The following GTF2H5 variants were observed in gnomAD, a reference collection of about 807,000 sequenced individuals.
The protein encoded by GTF2H5 is general transcription factor IIH subunit 5, also known as TFB5 ortholog.
Under a neutral mutation model 7.1 loss-of-function variants are expected in GTF2H5, and 5 were observed. That is an observed-to-expected ratio of 0.71 (90% CI 0.37 to 1.49). The LOEUF (loss-of-function observed/expected upper bound fraction) is 1.49, where lower values mean the gene tolerates loss of function less well. Among genes scored for constraint, GTF2H5 ranks in the 40% most tolerant of loss-of-function variants. The pLI is 0.03. For synonymous variants in GTF2H5, 30 were observed against 31.7 expected (o/e 0.95, Z 0.18); for missense variants, 80 against 83.0 (o/e 0.96, Z 0.14).
chr6:158,169,829 G>GTA lies in GTF2H5; in HGVS notation c.-34-632_-34-631dup, dbSNP rs1181394108. 5.6e-4 allele frequency among the ~76,000 whole-genome samples: 40 copies of GTA among 71,954 alleles called. 1 individual carries two copies. Among genetic ancestry groups the GTA allele is most frequent in the African/African-American group, 1.5e-3 (23 of 15,562 alleles). The allele number at this position is 71,954 out of a possible 152,430, so 47.2% of individuals were successfully genotyped here. ...TATTATATATTATATATAAAAGTGT[G>GTA]TATATATATACACACACACACACAC... On this transcript the variant is annotated intron_variant, in intron 1 of 2. Coordinates refer to ENST00000607778, the MANE Select transcript of GTF2H5 (RefSeq NM_207118.3).
chr6:158,184,005 A>G (rs868519989), intron 2 of GTF2H5, among the ~76,000 whole-genome samples: 1 of 151,780 alleles, frequency 6.6e-6, no homozygotes, highest in Non-Finnish European at 1.5e-5. Flanking sequence ...GGAGCTGTAC[A>G]CCAGAGCTGT....
chr6:158,186,632 C>T (rs1776927110), intron 2 of GTF2H5, among the ~76,000 whole-genome samples: 2 of 152,216 alleles, frequency 1.3e-5, no homozygotes, highest in East Asian at 1.9e-4. Context: ...CATGACATAT[C>T]CTCAGAAGGT....
At chr6:158,169,700 A>AATATATTG (rs1785794037) in intron 1 of GTF2H5, among the ~76,000 whole-genome samples, 1 of 81,934 alleles carries the variant, frequency 1.2e-5, no homozygotes, top group African/African-American at 6.0e-5. Flanking sequence ...ATATTATATA[A>AATATATTG]TATATTGTAT....
Position 158,168,415 on chromosome 6 carries a change from G to A in GTF2H5, c.-35+20G>A, listed in dbSNP as rs1235063999. 1 of 152,426 alleles carries A rather than the reference G, an allele frequency of 6.6e-6. No homozygotes were observed. The highest frequency in any genetic ancestry group is 1.5e-5 in the Non-Finnish European group (1 of 68,200). The allele number at this position is 152,426 out of a possible 1,614,324, so 9.4% of individuals were successfully genotyped here. ...GCCGAGGTGTGTGGCGAGCGTCCGA[G>A]CGGCTGGGGAAAGTGGGGTGTGGGA... On this transcript the variant is annotated intron_variant, in intron 1 of 2. Transcript: ENST00000607778.
At chr6:158,190,519 T>C (rs540534668) in intron 2 of GTF2H5, 248 of 334,646 alleles carry the variant, frequency 7.4e-4, no homozygotes, top group Middle Eastern at 1.2e-3. Flanking sequence ...GCAGCCAATA[T>C]GATCCTTACA....
chr6:158,182,215 T>C (rs1234153393), intron 2 of GTF2H5, among the ~76,000 whole-genome samples: 2 of 152,256 alleles, frequency 1.3e-5, no homozygotes, highest in Non-Finnish European at 2.9e-5. Flanking sequence ...CACTCTCTTC[T>C]GGCTTGTAGG....
chr6:158,185,268 A>G (rs1434684117), intron 2 of GTF2H5, among the ~76,000 whole-genome samples: 1 of 152,054 alleles, frequency 6.6e-6, no homozygotes, highest in Non-Finnish European at 1.5e-5. Flanking sequence ...CATGCCAGAC[A>G]CGGTGGCACA....
chr6:158,183,054 G>A (rs145967338), intron 2 of GTF2H5, among the ~76,000 whole-genome samples: 1,621 of 152,226 alleles, frequency 0.011, 22 homozygotes, highest in Non-Finnish European at 0.017. Context: ...CCTATGGATG[G>A]GGTTTTGGTG....
At position 158,169,719 on chromosome 6, in the gene GTF2H5, T is replaced by TAATATATTGTATATTA. The variant is rs1554267159; in HGVS notation, c.-34-751_-34-750insAATATATTGTATATTA. Among the ~76,000 whole-genome samples the TAATATATTGTATATTA allele has an allele frequency of 2.0e-4, 11 of 54,250 alleles. 3 individuals are homozygous for TAATATATTGTATATTA. The highest frequency in any genetic ancestry group is 1.3e-3 in the African/African-American group (11 of 8,284). 35.6% of individuals were successfully genotyped at this position (54,250 alleles called of 152,430 possible). ...TATATAATATATTGTATATTATATA[T>TAATATATTGTATATTA]TATATAATATATTGTATATTATATA... On this transcript the variant is annotated intron_variant, in intron 1 of 2. Transcript: ENST00000607778.
rs769919239 is a variant in GTF2H5 at position 158,170,463 on chromosome 6, T to G, written c.-34-7T>G. ...TTAATTTAATGTTACCTTACTCTTTTTATTAGCATTCTTCAGGTCATCTGA... is the reference window on the plus strand; with the variant it reads ...TTAATTTAATGTTACCTTACTCTTTGTATTAGCATTCTTCAGGTCATCTGA... On this transcript the variant is annotated splice_polypyrimidine_tract_variant and splice_region_variant and intron_variant, in intron 1 of 2. Coordinates refer to ENST00000607778, the MANE Select transcript of GTF2H5 (RefSeq NM_207118.3). 7 of 1,537,444 alleles carry G rather than the reference T, an allele frequency of 4.6e-6. No individual in the cohort carries two copies. In the East Asian group the frequency reaches 1.3e-4, roughly 30 times the overall value.
chr6:158,169,419 TATATAATATATTGTATATTATA>T (rs1562467948), intron 1 of GTF2H5, among the ~76,000 whole-genome samples: 59 of 88,340 alleles, frequency 6.7e-4, no homozygotes, highest in Middle Eastern at 5.3e-3. Context: ...TTATATATTA[TATATAATATATTGTATATTATA>T]TATATTATAT....
At chr6:158,186,607 G>C (rs1468576964) in intron 2 of GTF2H5, among the ~76,000 whole-genome samples, 2 of 152,236 alleles carry the variant, frequency 1.3e-5, no homozygotes, top group Non-Finnish European at 2.9e-5. Context: ...ATTTTGCCAA[G>C]GTTAAGGACA....
chr6:158,177,306 C>T (rs1237365243), intron 2 of GTF2H5, among the ~76,000 whole-genome samples: 1 of 152,174 alleles, frequency 6.6e-6, no homozygotes, highest in African/African-American at 2.4e-5. Context: ...ACTAACATTG[C>T]TGTTACAGAT....
chr6:158,168,612 C>T (rs371005277), intron 1 of GTF2H5, among the ~76,000 whole-genome samples: 48 of 152,306 alleles, frequency 3.2e-4, no homozygotes, highest in African/African-American at 1.0e-3. Flanking sequence ...GGCTAGGGCT[C>T]GCCCTGCGCC....
Position 158,192,134 on chromosome 6 carries a change from G to T in GTF2H5, c.193G>T (p.Ala65Ser). 6.2e-7 allele frequency: 1 copy of T among 1,613,050 alleles called. No homozygotes were observed. ...AGTGGGTGAATTAATGGACCAAAAT[G>T]CTTTTTCCCTTACCCAGAAATGAAA... ...ERVGELMDQN[A>S]FSLTQK Residue 65 changes from alanine (A) to serine (S), a missense_variant, in exon 3 of 3, where the codon GCT (alanine) becomes TCT (serine). By Grantham distance (99) the Ala-to-Ser change is moderately conservative. Transcript: ENST00000607778.
chr6:158,168,961 C>A (rs928279433), intron 1 of GTF2H5, among the ~76,000 whole-genome samples: 3 of 151,622 alleles, frequency 2.0e-5, no homozygotes, highest in Admixed American at 6.6e-5. Context: ...TGGCCTGGCG[C>A]GGTGGCTCAC....
chr6:158,173,401 G>T (rs1017308520), intron 2 of GTF2H5, among the ~76,000 whole-genome samples: 1 of 152,176 alleles, frequency 6.6e-6, no homozygotes, highest in East Asian at 1.9e-4. Context: ...AGTGCTAGTG[G>T]ATTCCCTTTC....
At chr6:158,170,127 C>G (rs1488750582) in intron 1 of GTF2H5, among the ~76,000 whole-genome samples, 3 of 152,064 alleles carry the variant, frequency 2.0e-5, no homozygotes, top group Non-Finnish European at 4.4e-5. Flanking sequence ...GGATCTTACC[C>G]TTTGTCATTC....
intron 2 of GTF2H5, among the ~76,000 whole-genome samples, chr6:158,184,345 A>T (rs1257464559): frequency 6.6e-6 from 1 of 152,124 alleles, no homozygotes; most frequent in Non-Finnish European, 1.5e-5. Flanking sequence ...AACTTTATAC[A>T]TTATACATAT....
Sources: allele counts gnomAD v4.1 joint callset (sites outside exome capture counted in the v4.1 genomes callset), GRCh38; gene constraint gnomAD v4.1.1; transcripts MANE v1.5; gene names NCBI Gene and HGNC (gene_info 2026-07-23, HGNC 2026-07-21).